The following DZIP3 variants were observed in gnomAD, a reference collection of about 807,000 sequenced individuals.
DZIP3 encodes DAZ interacting zinc finger protein 3, also known as E3 ubiquitin-protein ligase DZIP3.
A neutral mutation model predicts 162.0 loss-of-function variants in DZIP3; 118 were observed. The ratio of observed to expected loss-of-function variants is 0.73; its 90% CI spans 0.63 to 0.85. The LOEUF is 0.85. Among genes scored for constraint, DZIP3 ranks in the 40% least tolerant of loss-of-function variants. DZIP3 has a pLI of 0.00. For synonymous variants in DZIP3, 438 were observed against 458.6 expected (o/e 0.96, Z 0.57); for missense variants, 1,331 against 1,407.0 (o/e 0.95, Z 0.86).
At chr3:108,647,303 T>A (rs953105907) in intron 15 of DZIP3, among the ~76,000 whole-genome samples, 2 of 152,172 alleles carry the variant, frequency 1.3e-5, no homozygotes, top group Non-Finnish European at 2.9e-5. Flanking sequence ...AAGTTGTAAT[T>A]GTTTAATTTC....
Position 108,605,428 on chromosome 3 carries a change from T to G in DZIP3, c.22T>G (p.Phe8Val), listed in dbSNP as rs756837978. The G allele has an allele frequency of 6.2e-7, 1 of 1,613,122 alleles. No individual in the cohort carries two copies. The highest frequency in any genetic ancestry group is 1.1e-5 in the South Asian group (1 of 90,990). Residue 8 changes from phenylalanine to valine, a missense_variant, in exon 2 of 33, where the codon TTT (phenylalanine) becomes GTT (valine). Around this residue, in one of 2 missense-constraint regions of DZIP3, gnomAD observed 1,278 missense variants for 1,317.1 expected, o/e 0.97. Transcript: ENST00000361582. MDSLPDE[F>V]FVRHPAVEDQ... ...CAGCATGGATTCTCTACCAGATGAATTTTTTGTGAGGTAAGGCCACAGTCC... is the reference window on the plus strand; with the variant it reads ...CAGCATGGATTCTCTACCAGATGAAGTTTTTGTGAGGTAAGGCCACAGTCC...
At chr3:108,631,055 A>ACACACACACACCCTCTCTCTCT in intron 8 of DZIP3, among the ~76,000 whole-genome samples, 1 of 18,006 alleles carries the variant, frequency 5.6e-5, no homozygotes, top group Non-Finnish European at 9.0e-5. Flanking sequence ...ACACACACAC[A>ACACACACACACCCTCTCTCTCT]CTCTCTCTCT....
chr3:108,644,752 T>G lies in DZIP3; in HGVS notation c.1730T>G (p.Ile577Arg), dbSNP rs574639338. The G allele has an allele frequency of 6.2e-7, 1 of 1,605,432 alleles. No homozygotes were observed. Among genetic ancestry groups the G allele is most frequent in the Non-Finnish European group, 8.5e-7 (1 of 1,177,662 alleles). The change falls in exon 14 of 33, where the codon ATA becomes AGA. Residue 577 changes from isoleucine (I) to arginine (R), a missense_variant. Ile to Arg is a moderately conservative substitution (Grantham distance 97). This residue lies in a region of DZIP3 where 1,278 missense variants were observed against 1,317.1 expected (regional missense o/e 0.97). Coordinates refer to ENST00000361582, the MANE Select transcript of DZIP3 (RefSeq NM_014648.4). ...CTAGGCATACCAGTACCAGAAATCATACAGAGGATGTTATCCTGCTATCAA... is the reference window on the plus strand; with the variant it reads ...CTAGGCATACCAGTACCAGAAATCAGACAGAGGATGTTATCCTGCTATCAA... ...VYLGIPVPEI[I>R]QRMLSCYQQG...
At chr3:108,660,476 C>A (rs1943368204) in intron 19 of DZIP3, among the ~76,000 whole-genome samples, 1 of 152,190 alleles carries the variant, frequency 6.6e-6, no homozygotes, top group East Asian at 1.9e-4. Flanking sequence ...ACACCTTGTA[C>A]AAAAACCAAT....
chr3:108,690,835 C>T lies in DZIP3; in HGVS notation c.3565C>T (p.Leu1189Phe), dbSNP rs1293999849. 1.2e-6 allele frequency: 2 copies of T among 1,614,146 alleles called. No individual in the cohort carries two copies. Among genetic ancestry groups the T allele is most frequent in the South Asian group, 1.1e-5 (1 of 91,074 alleles). ...MQQGTCPTCRLHVLLPEEFPG... is the reference protein window; with the variant it reads ...MQQGTCPTCRFHVLLPEEFPG... ...ACAGGGGACATGTCCAACGTGCAGA[C>T]TCCACGTTTTGCTACCAGAAGAATT... Residue 1189 changes from leucine (L) to phenylalanine (F), a missense_variant, in exon 32 of 33, where the codon CTC becomes TTC. By Grantham distance (22) the Leu-to-Phe change is conservative. Around this residue, in one of 2 missense-constraint regions of DZIP3, gnomAD observed 53 missense variants for 89.9 expected, o/e 0.59. Coordinates refer to ENST00000361582, the MANE Select transcript of DZIP3 (RefSeq NM_014648.4).
chr3:108,591,886 C>G (rs6774944), intron 1 of DZIP3, among the ~76,000 whole-genome samples: 35,037 of 151,184 alleles, frequency 0.23, 4,749 homozygotes, highest in Non-Finnish European at 0.31. Context: ...GTCCTAGCTA[C>G]TCTGGAGGCT....
intron 1 of DZIP3, among the ~76,000 whole-genome samples, chr3:108,594,645 CTA>C (rs1939616074): frequency 6.6e-6 from 1 of 151,902 alleles, no homozygotes; most frequent in East Asian, 1.9e-4. Flanking sequence ...CTGTATGTGT[CTA>C]TGTGTTCTTT....
At chr3:108,649,907 G>C (rs972702865) in intron 17 of DZIP3, among the ~76,000 whole-genome samples, 11 of 151,904 alleles carry the variant, frequency 7.2e-5, no homozygotes, top group Non-Finnish European at 1.3e-4. Flanking sequence ...TTAAAGACAT[G>C]AGTATGGAGA....
Position 108,631,055 on chromosome 3 carries a change from A to ACATACACTCTCTCT in DZIP3, c.696+1880_696+1881insATACACTCTCTCTC. ...CACACACACACACACACACACACAC[A>ACATACACTCTCTCT]CTCTCTCTCTCTCTCTCTCTCTCTC... On this transcript the variant is annotated intron_variant, in intron 8 of 32. Coordinates refer to ENST00000361582, the MANE Select transcript of DZIP3 (RefSeq NM_014648.4). Among the ~76,000 whole-genome samples the ACATACACTCTCTCT allele has an allele frequency of 2.4e-3, 43 of 18,018 alleles. 1 individual carries two copies. The highest frequency in any genetic ancestry group is 0.01 in the Admixed American group (12 of 1,182). 11.8% of individuals were successfully genotyped at this position (18,018 alleles called of 152,430 possible). A position where few individuals can be genotyped will look rare whatever the true frequency, so the allele number is the denominator to read the frequency against.
At chr3:108,675,473 C>T (rs983328207) in intron 24 of DZIP3, among the ~76,000 whole-genome samples, 3 of 151,938 alleles carry the variant, frequency 2.0e-5, no homozygotes, top group Non-Finnish European at 2.9e-5. Flanking sequence ...CTAAGGCTTT[C>T]CTGCTTCATT....
At position 108,647,019 on chromosome 3, in the gene DZIP3, C is replaced by T. The variant is rs931618603; in HGVS notation, c.1792+370C>T. On this transcript the variant is annotated intron_variant, in intron 15 of 32. Transcript: ENST00000361582. Reference sequence around the variant, plus strand: ...TCACGCCACTGCATTCCAGCCTGGGCGACAGAGCGAGATTCAGTCTCAAAA... The same window carrying T: ...TCACGCCACTGCATTCCAGCCTGGGTGACAGAGCGAGATTCAGTCTCAAAA... Among the ~76,000 whole-genome samples the T allele has an allele frequency of 5.9e-5, 9 of 152,030 alleles. No homozygotes were observed. The South Asian group carries it at 1.0e-3, about 18-fold the overall frequency.
chr3:108,607,982 T>C, intron 2 of DZIP3, 107 bp from the exon 3 acceptor site: 1 of 919,044 alleles, frequency 1.1e-6, no homozygotes, highest in East Asian at 2.5e-5. Context: ...TTGATACATT[T>C]TGGTTACACT....
chr3:108,656,271 G>A (rs758269717), intron 19 of DZIP3, among the ~76,000 whole-genome samples: 6 of 152,088 alleles, frequency 3.9e-5, no homozygotes, highest in African/African-American at 1.2e-4. Context: ...CACCTCACAC[G>A]GCTGGGTACC....
At chr3:108,661,401 C>A (rs1943425084) in intron 19 of DZIP3, among the ~76,000 whole-genome samples, 1 of 151,980 alleles carries the variant, frequency 6.6e-6, no homozygotes, top group African/African-American at 2.4e-5. Flanking sequence ...AACGAAACAC[C>A]ACATGTTCTC....
chr3:108,681,110 TA>T (rs1357697966), intron 26 of DZIP3, among the ~76,000 whole-genome samples: 2 of 151,996 alleles, frequency 1.3e-5, no homozygotes, highest in Admixed American at 6.6e-5. Context: ...GGGATCTAAC[TA>T]AAGAGCTTCT....
intron 6 of DZIP3, 113 bp from the exon 7 acceptor site, chr3:108,625,732 T>C (rs1027024774): frequency 3.4e-5 from 35 of 1,036,190 alleles, no homozygotes; most frequent in Non-Finnish European, 4.7e-5. Context: ...GACCAGATGA[T>C]TGTATTATTT....
chr3:108,646,716 T>C, intron 15 of DZIP3, 67 bp downstream of exon 15: 1 of 1,167,480 alleles, frequency 8.6e-7, no homozygotes. Context: ...AAATTTTTAT[T>C]TGTTCAGATA....
At chr3:108,669,400 A>G (rs1456301346) in intron 21 of DZIP3, among the ~76,000 whole-genome samples, 1 of 151,692 alleles carries the variant, frequency 6.6e-6, no homozygotes, top group Non-Finnish European at 1.5e-5. Context: ...CATTTTTCCA[A>G]GTCATTGCAC....
chr3:108,652,713 A>T (rs1474590284), intron 18 of DZIP3, among the ~76,000 whole-genome samples: 1 of 151,948 alleles, frequency 6.6e-6, no homozygotes, highest in African/African-American at 2.4e-5. Flanking sequence ...TTCATGGTAA[A>T]TGCCCTATAC....
Sources: gnomAD v4.1 joint callset for allele counts (sites outside exome capture counted in the v4.1 genomes callset) on GRCh38, gnomAD v4.1.1 for gene constraint, gnomAD v4.1.1 regional missense constraint, MANE v1.5 for transcripts, NCBI Gene and HGNC (gene_info 2026-07-23, HGNC 2026-07-21) for gene names.